Variants in ABCC1 observed in about 807,000 individuals in gnomAD.
The protein encoded by ABCC1 is ATP binding cassette subfamily C member 1 (ABCC1 blood group), also known as multidrug resistance-associated protein 1.
Under a neutral mutation model 172.9 loss-of-function variants are expected in ABCC1, and 83 were observed. The ratio of observed to expected loss-of-function variants is 0.48; its 90% CI spans 0.40 to 0.58. The LOEUF (loss-of-function observed/expected upper bound fraction) is 0.58, where lower values mean the gene tolerates loss of function less well. Ranked by LOEUF, ABCC1 falls within the 20% of genes least tolerant of loss-of-function variation. ABCC1 has a pLI of 0.00. For synonymous variants in ABCC1, 937 were observed against 825.2 expected, an observed-to-expected ratio of 1.14 and a Z score of -2.32; for missense variants, 1,817 against 2,002.7, an observed-to-expected ratio of 0.91 and a Z score of 1.77.
intron 1 of ABCC1, among the ~76,000 whole-genome samples, chr16:16,004,348 T>C (rs2047439306): frequency 6.6e-6 from 1 of 152,200 alleles, no homozygotes; most frequent in South Asian, 2.1e-4. Flanking sequence ...TATCGTTTTC[T>C]TTCTAGCAGG....
At chr16:16,058,340 A>G (rs752417279) in intron 12 of ABCC1, among the ~76,000 whole-genome samples, 1 of 151,488 alleles carries the variant, frequency 6.6e-6, no homozygotes, top group Non-Finnish European at 1.5e-5. Context: ...TGTTGTGCTC[A>G]TTACAACTAT....
At chr16:16,010,037 C>CTTTTTTTTTTTTTGTTTTTTT (rs2047718007) in intron 3 of ABCC1, 136 bp downstream of exon 3, 1 of 100,498 alleles carries the variant, frequency 1.0e-5, no homozygotes, top group African/African-American at 5.8e-5. Context: ...TAAATGTAGC[C>CTTTTTTTTTTTTTGTTTTTTT]TTTTTTTTTT....
In ABCC1 at chr16:16,136,601, G is replaced by C. The variant is rs777449962; in HGVS notation, c.4249G>C (p.Asp1417His). The C allele has an allele frequency of 2.5e-6, 4 of 1,614,118 alleles. No individual in the cohort carries two copies. The highest frequency in any genetic ancestry group is 3.4e-6 in the Non-Finnish European group (4 of 1,180,016). The part of the protein sequence containing the change: ...HLKDFVSALP[D>H]KLDHECAEGG... ...GAAGGACTTCGTGTCAGCCCTTCCT[G>C]ACAAGCTAGACCATGAATGTGCAGA... The change falls in exon 29 of 31, where the codon GAC becomes CAC. Residue 1417 changes from aspartate (D) to histidine (H), a missense_variant. By Grantham distance (81) the Asp-to-His change is moderately conservative (BLOSUM62 -1). This residue lies in a region of ABCC1 where 1,412 missense variants were observed against 1,600.3 expected (regional missense o/e 0.88). Coordinates refer to ENST00000399410, the MANE Select transcript of ABCC1 (RefSeq NM_004996.4).
chr16:16,019,964 C>T (rs1490241293), intron 5 of ABCC1, among the ~76,000 whole-genome samples: 2 of 152,198 alleles, frequency 1.3e-5, no homozygotes, highest in Non-Finnish European at 2.9e-5. Context: ...CGCTCTGTCG[C>T]CAAGGCTGTA....
intron 12 of ABCC1, among the ~76,000 whole-genome samples, chr16:16,064,246 C>G (rs2050028347): frequency 6.6e-6 from 1 of 152,156 alleles, no homozygotes; most frequent in African/African-American, 2.4e-5. Flanking sequence ...CACCCTAGAC[C>G]CTCGCCTATT....
chr16:15,963,705 G>T (rs1156280192), intron 1 of ABCC1, among the ~76,000 whole-genome samples: 1 of 152,296 alleles, frequency 6.6e-6, no homozygotes, highest in East Asian at 1.9e-4. Flanking sequence ...GAGTGGCTGG[G>T]CACCAAGTCC....
At chr16:16,084,480 C>G (rs2050931599) in intron 17 of ABCC1, among the ~76,000 whole-genome samples, 1 of 149,796 alleles carries the variant, frequency 6.7e-6, no homozygotes, top group South Asian at 2.1e-4. Flanking sequence ...TCTCCTCCCT[C>G]AGCCTCTTGA....
intron 1 of ABCC1, among the ~76,000 whole-genome samples, chr16:15,987,535 C>T (rs2046769789): frequency 6.6e-6 from 1 of 152,198 alleles, no homozygotes; most frequent in Non-Finnish European, 1.5e-5. Context: ...AGCAGTATCC[C>T]TGGCCTCTGT....
rs763457535 is a variant in ABCC1, at chr16:16,016,628, G to A, written c.615+7G>A. 1.2e-6 allele frequency: 2 copies of A among 1,614,136 alleles called. No individual in the cohort carries two copies. The highest frequency in any genetic ancestry group is 1.7e-5 in the Admixed American group (1 of 60,008). On this transcript the variant is annotated splice_region_variant and intron_variant, in intron 5 of 30. Transcript: ENST00000399410. ...GGAAACCATCCACGACCCTGTAAGT[G>A]TGACCACAGATGAGTGTGTGTGCGT...
chr16:16,140,382 C>T (rs1202458901), intron 30 of ABCC1, among the ~76,000 whole-genome samples: 2 of 152,030 alleles, frequency 1.3e-5, no homozygotes, highest in African/African-American at 4.8e-5. Flanking sequence ...AGGGTCTCAC[C>T]CTGTCGCCCA....
At chr16:16,101,544 T>C (rs2051748888) in intron 19 of ABCC1, among the ~76,000 whole-genome samples, 1 of 152,162 alleles carries the variant, frequency 6.6e-6, no homozygotes, top group African/African-American at 2.4e-5. Flanking sequence ...GTTCCCAGGG[T>C]CACCCTGACC....
intron 15 of ABCC1, 105 bp from the exon 16 acceptor site, chr16:16,079,247 C>G (rs1402567642): frequency 1.3e-6 from 2 of 1,516,848 alleles, no homozygotes; most frequent in South Asian, 1.2e-5. Context: ...TGCCTTCTGT[C>G]TTTCTCTTTC....
At chr16:16,136,381 A>G (rs2045917874) in intron 28 of ABCC1, 97 bp from the exon 29 acceptor site, 1 of 1,360,282 alleles carries the variant, frequency 7.4e-7, no homozygotes, top group Non-Finnish European at 1.0e-6. Flanking sequence ...CTGATACCCC[A>G]CCTTCAACAG....
At chr16:16,008,926 T>C (rs1367684712) in intron 2 of ABCC1, among the ~76,000 whole-genome samples, 3 of 121,714 alleles carry the variant, frequency 2.5e-5, no homozygotes, top group African/African-American at 8.2e-5. Flanking sequence ...TAGTCACTGT[T>C]TCCTGTTTTT....
At chr16:15,970,756 T>C (rs2046350158) in intron 1 of ABCC1, among the ~76,000 whole-genome samples, 1 of 152,152 alleles carries the variant, frequency 6.6e-6, no homozygotes, top group African/African-American at 2.4e-5. Flanking sequence ...TTCTTTAAAA[T>C]TATATATATA....
intron 1 of ABCC1, among the ~76,000 whole-genome samples, chr16:15,977,630 C>A (rs1348900538): frequency 2.6e-5 from 4 of 152,056 alleles, no homozygotes; most frequent in Non-Finnish European, 5.9e-5. Context: ...GCACCTTGGC[C>A]CTTCGAGATG....
At position 16,138,442 on chromosome 16, in the gene ABCC1, G is replaced by T. The variant is rs202222707; in HGVS notation, c.4371G>T (p.Thr1457=). ...AGATCCTTGTGTTGGATGAGGCCAC[G>T]GCAGCCGTGGACCTGGAAACGGACG... ...KTKILVLDEA[T]AAVDLETDDL... Residue 1457 remains threonine, a synonymous_variant, in exon 30 of 31, where the codon ACG becomes ACT. Transcript: ENST00000399410. 22 of 1,612,924 alleles carry T rather than the reference G, an allele frequency of 1.4e-5. No individual in the cohort carries two copies. Among genetic ancestry groups the T allele is most frequent in the Non-Finnish European group, 1.9e-5 (22 of 1,179,114 alleles).
intron 7 of ABCC1, 61 bp downstream of exon 7, chr16:16,036,664 C>T (rs867595654): frequency 1.2e-5 from 19 of 1,577,496 alleles, no homozygotes; most frequent in Middle Eastern, 3.4e-4. Context: ...ACTCCTGTGG[C>T]CTCAATCCAG....
rs1028617857 is a variant in ABCC1 at position 16,007,986 on chromosome 16, C to T, written c.219C>T (p.Thr73=). Residue 73 remains threonine (T), a synonymous_variant, in exon 2 of 31, where the codon ACC becomes ACT. Coordinates refer to ENST00000399410, the MANE Select transcript of ABCC1 (RefSeq NM_004996.4). ...GYIQMTPLNK[T]KTALGFLLWI... is the part of the protein sequence containing the mutation. The stretch of plus-strand genomic sequence containing the variant: ...TTCAGATGACACCTCTCAACAAAAC[C>T]AAAACTGTAAGTCACTGGGGGGTTT... 2 of 1,567,552 alleles carry T rather than the reference C, an allele frequency of 1.3e-6. No homozygotes were observed. The highest frequency in any genetic ancestry group is 2.8e-5 in the African/African-American group (2 of 70,942).
Sources: allele counts gnomAD v4.1 joint callset (sites outside exome capture counted in the v4.1 genomes callset), GRCh38; gene constraint gnomAD v4.1.1; regional missense constraint gnomAD v4.1.1; transcripts MANE v1.5; gene names NCBI Gene and HGNC (gene_info 2026-07-23, HGNC 2026-07-21).